Variants in USP40 observed in about 807,000 individuals in gnomAD.
USP40 encodes ubiquitin specific peptidase 40.
A neutral mutation model predicts 166.2 loss-of-function variants in USP40; 143 were observed. That is an observed-to-expected ratio of 0.86 (90% CI 0.75 to 0.99). The LOEUF (loss-of-function observed/expected upper bound fraction) is 0.99. USP40 is among the 50% of genes least tolerant of loss of function. USP40 has a pLI of 0.00. For synonymous variants in USP40, 498 were observed against 524.0 expected, an observed-to-expected ratio of 0.95 and a Z score of 0.68; for missense variants, 1,444 against 1,479.7, an observed-to-expected ratio of 0.98 and a Z score of 0.40.
chr2:233,557,047 A>T, intron 4 of USP40, 28 bp from the exon 5 acceptor site: 1 of 1,577,776 alleles, frequency 6.3e-7, no homozygotes, highest in Non-Finnish European at 8.6e-7. Context: ...TTTAGATGTA[A>T]TTCCGGGCTT....
rs1262075115 is a variant in USP40, at chr2:233,533,483, AGG to A, written c.1465_1466del (p.Pro489Ter). 4 of 1,612,652 alleles carry A rather than the reference AGG, an allele frequency of 2.5e-6. No individual in the cohort carries two copies. The highest frequency in any genetic ancestry group is 3.4e-6 in the Non-Finnish European group (4 of 1,178,968). On this transcript the variant is annotated frameshift_variant, in exon 11 of 32. Coordinates refer to ENST00000678225, the MANE Select transcript of USP40 (RefSeq NM_001365479.2). LOFTEE classifies it high-confidence loss of function. Reference protein sequence around the residue: ...FYRKSQLQRPPEARANPRYGV... With the variant: ...FYRKSQLQRPXEARANPRYGV... ...GGAACATTTTTCTTTCCATACCTTC[AGG>A]GGGTCTCTGCAACTGGGATTTCCGA... is the stretch of plus-strand genomic sequence containing the variant.
chr2:233,533,128 T>C (rs916180158), intron 11 of USP40, among the ~76,000 whole-genome samples: 1 of 151,906 alleles, frequency 6.6e-6, no homozygotes, highest in African/African-American at 2.4e-5. Context: ...CACTTAAAAT[T>C]CAAAGGCAAC....
chr2:233,502,722 A>AC (rs1242476431), intron 21 of USP40, among the ~76,000 whole-genome samples: 3 of 152,050 alleles, frequency 2.0e-5, no homozygotes, highest in Non-Finnish European at 4.4e-5. Context: ...TGTCACAAAC[A>AC]CCCGTAACCT....
intron 16 of USP40, among the ~76,000 whole-genome samples, chr2:233,521,406 G>A (rs1379231535): frequency 6.6e-6 from 1 of 152,136 alleles, no homozygotes; most frequent in African/African-American, 2.4e-5. Flanking sequence ...CAAATCACTA[G>A]GGGAGCTTTA....
At chr2:233,485,494 C>G in intron 30 of USP40, 37 bp downstream of exon 30, 9 of 1,520,736 alleles carry the variant, frequency 5.9e-6, no homozygotes, top group Non-Finnish European at 8.2e-6. Context: ...ACCCTCGTGT[C>G]TTCTCAAAGT....
intron 10 of USP40, among the ~76,000 whole-genome samples, chr2:233,535,870 T>C (rs903028039): frequency 6.6e-6 from 1 of 152,208 alleles, no homozygotes; most frequent in African/African-American, 2.4e-5. Context: ...TAACATACTG[T>C]ACATTTCAAA....
In USP40 at chr2:233,475,619, G is replaced by A. The variant is rs2064147531; in HGVS notation, c.*1773C>T. The A allele has an allele frequency of 6.6e-6, 1 of 152,388 alleles. No homozygotes were observed. Among genetic ancestry groups the A allele is most frequent in the South Asian group, 2.1e-4 (1 of 4,830 alleles). 9.4% of individuals were successfully genotyped at this position (152,388 alleles called of 1,614,324 possible). A position where few individuals can be genotyped will look rare whatever the true frequency, so the allele number is the denominator to read the frequency against. Reference sequence around the variant, plus strand: ...AAAAAACAGAAAACAGGAAGAAAGGGAAGAAGGCAAAGGCCACACGCACAG... The same window carrying A: ...AAAAAACAGAAAACAGGAAGAAAGGAAAGAAGGCAAAGGCCACACGCACAG... On this transcript the variant is annotated 3_prime_UTR_variant, in exon 32 of 32. Transcript: ENST00000678225.
chr2:233,485,432 G>C (rs988805077), intron 30 of USP40, 99 bp downstream of exon 30: 3 of 929,448 alleles, frequency 3.2e-6, no homozygotes, highest in African/African-American at 3.3e-5. Flanking sequence ...TGTATAAAAT[G>C]GGATAATCTG....
chr2:233,553,534 TG>T (rs2070773391), intron 6 of USP40, among the ~76,000 whole-genome samples: 1 of 152,240 alleles, frequency 6.6e-6, no homozygotes, highest in South Asian at 2.1e-4. Context: ...AATGCCAAAG[TG>T]CTGATATAAT....
At chr2:233,499,274 C>T (rs1291572947) in intron 22 of USP40, among the ~76,000 whole-genome samples, 1 of 149,130 alleles carries the variant, frequency 6.7e-6, no homozygotes, top group African/African-American at 2.5e-5. Context: ...GTTTTCTGTT[C>T]CTGCATTAGT....
At position 233,529,575 on chromosome 2, in the gene USP40, A is replaced by G. The variant is rs899020657; in HGVS notation, c.1472-63T>C. 5.3e-6 allele frequency: 7 copies of G among 1,311,318 alleles called. No homozygotes were observed. The African/African-American group carries it at 9.6e-5, about 18-fold the overall frequency. The allele number at this position is 1,311,318 out of a possible 1,614,324, so 81.2% of individuals were successfully genotyped here. Reference sequence around the variant, plus strand: ...ATGAAATCTGGTTGCTGGAAGAGGTAGCATGAAGACTAGGAAGGACTGTCC... The same window carrying G: ...ATGAAATCTGGTTGCTGGAAGAGGTGGCATGAAGACTAGGAAGGACTGTCC... On this transcript the variant is annotated intron_variant, in intron 11 of 31. Coordinates refer to ENST00000678225, the MANE Select transcript of USP40 (RefSeq NM_001365479.2).
intron 12 of USP40, among the ~76,000 whole-genome samples, chr2:233,528,314 C>T (rs928545303): frequency 1.3e-5 from 2 of 152,108 alleles, no homozygotes; most frequent in Admixed American, 6.5e-5. Context: ...ATGAACCTCC[C>T]GAGACCACAT....
intron 26 of USP40, 60 bp from the exon 27 acceptor site, chr2:233,489,543 GT>G: frequency 7.4e-7 from 1 of 1,352,482 alleles, no homozygotes; most frequent in Non-Finnish European, 1.0e-6. Flanking sequence ...AAAACATACT[GT>G]TTTAGAAAAA....
chr2:233,552,274 C>T (rs1171462169), intron 6 of USP40, among the ~76,000 whole-genome samples: 2 of 147,130 alleles, frequency 1.4e-5, no homozygotes, highest in African/African-American at 5.0e-5. Flanking sequence ...GGTAGATTTT[C>T]AAACAAGCTC....
chr2:233,535,997 T>C (rs1419671758), intron 10 of USP40, among the ~76,000 whole-genome samples: 1 of 152,102 alleles, frequency 6.6e-6, no homozygotes, highest in African/African-American at 2.4e-5. Context: ...CTTATAAATA[T>C]ATACAACTAA....
At chr2:233,531,749 A>G (rs1374780952) in intron 11 of USP40, among the ~76,000 whole-genome samples, 1 of 152,230 alleles carries the variant, frequency 6.6e-6, no homozygotes, top group African/African-American at 2.4e-5. Flanking sequence ...AATGATGGTT[A>G]TTCTCATTCT....
At chr2:233,487,909 A>G in intron 28 of USP40, 1 of 558,870 alleles carries the variant, frequency 1.8e-6, no homozygotes. Flanking sequence ...GGGAGCAATG[A>G]TGAATCCGTT....
At chr2:233,490,899 T>C (rs551152588) in intron 26 of USP40, 2 of 550,480 alleles carry the variant, frequency 3.6e-6, no homozygotes, top group African/African-American at 3.9e-5. Context: ...CCTAAAAAAA[T>C]AAAAATGAAC....
At chr2:233,494,956 TTATATATATA>T (rs71058559) in intron 24 of USP40, among the ~76,000 whole-genome samples, 3 of 35,498 alleles carry the variant, frequency 8.5e-5, no homozygotes, top group East Asian at 1.2e-3. Context: ...ATATATATAT[TTATATATATA>T]TATATATATA....
Sources: gnomAD v4.1 joint callset for allele counts (sites outside exome capture counted in the v4.1 genomes callset) on GRCh38, gnomAD v4.1.1 for gene constraint, MANE v1.5 for transcripts, NCBI Gene and HGNC (gene_info 2026-07-23, HGNC 2026-07-21) for gene names.